The following NUDCD3 variants were observed in gnomAD, a reference collection of about 807,000 sequenced individuals.
NUDCD3 encodes the protein nudC domain-containing protein 3.
In NUDCD3, 13 loss-of-function variants were observed where a neutral mutation model predicts 39.7. The observed-to-expected ratio is 0.33, with a 90% CI of 0.21 to 0.52. The LOEUF is 0.52. Ranked by LOEUF, NUDCD3 falls within the 20% of genes least tolerant of loss-of-function variation. The probability of loss-of-function intolerance (pLI) is 0.96; values close to 1 mark genes in which losing one functional copy is unlikely to be tolerated. For synonymous variants in NUDCD3, 175 were observed against 172.4 expected, an observed-to-expected ratio of 1.02 and a Z score of -0.12; for missense variants, 453 against 458.1, an observed-to-expected ratio of 0.99 and a Z score of 0.10.
rs115032518 is a variant in NUDCD3 at position 44,461,525 on chromosome 7, G to C, written c.509+23443C>G. 8.8e-3 allele frequency among the ~76,000 whole-genome samples: 1,338 copies of C among 152,302 alleles called. 15 individuals carry two copies. Among genetic ancestry groups the C allele is most frequent in the Middle Eastern group, 0.061 (18 of 294 alleles). ...ATAAAGACTAAATCATTTCCTGCCTGTTAGGGATGCTATGGGAAGGACAGA... is the reference window on the plus strand; with the variant it reads ...ATAAAGACTAAATCATTTCCTGCCTCTTAGGGATGCTATGGGAAGGACAGA... On this transcript the variant is annotated intron_variant, in intron 2 of 5. Transcript: ENST00000355451.
At position 44,384,207 on chromosome 7, in the gene NUDCD3, GAA is replaced by G. The variant is rs1370120223; in HGVS notation, c.*1802_*1803del. ...TGGGGGCCAACTCGGGAACTATAGA[GAA>G]GAGAGGAGACACACACCACAAGACC... On this transcript the variant is annotated 3_prime_UTR_variant, in exon 6 of 6. Transcript: ENST00000355451. The G allele has an allele frequency of 6.6e-6, 1 of 152,304 alleles. No individual in the cohort carries two copies. Among genetic ancestry groups the G allele is most frequent in the Non-Finnish European group, 1.5e-5 (1 of 68,120 alleles). 9.4% of individuals were successfully genotyped at this position (152,304 alleles called of 1,614,324 possible).
chr7:44,405,474 A>G (rs1798802230), intron 3 of NUDCD3, among the ~76,000 whole-genome samples: 1 of 152,258 alleles, frequency 6.6e-6, no homozygotes, highest in Admixed American at 6.5e-5. Context: ...AGAAGAGGAA[A>G]TAAAACAGAA....
At chr7:44,415,658 A>G (rs1799006790) in intron 3 of NUDCD3, among the ~76,000 whole-genome samples, 1 of 152,210 alleles carries the variant, frequency 6.6e-6, no homozygotes, top group Non-Finnish European at 1.5e-5. Context: ...ACTCCAGGAG[A>G]GGCAAAGCTC....
chr7:44,420,856 A>G (rs1799123714), intron 3 of NUDCD3, among the ~76,000 whole-genome samples: 1 of 152,252 alleles, frequency 6.6e-6, no homozygotes, highest in South Asian at 2.1e-4. Flanking sequence ...GAGGCACTAA[A>G]TATGGAAAGG....
rs1045812431 is a variant in NUDCD3 at position 44,477,037 on chromosome 7, A to G, written c.509+7931T>C. Among the ~76,000 whole-genome samples the G allele has an allele frequency of 5.3e-5, 8 of 152,308 alleles. 1 individual carries two copies. Among genetic ancestry groups the G allele is most frequent in the Middle Eastern group, 3.4e-3 (1 of 294 alleles). Reference sequence around the variant, plus strand: ...TCCAAATGATGCCATTCCCTTCCCAAGAAGCACCGAGGTCCCTGTAACTGC... The same window carrying G: ...TCCAAATGATGCCATTCCCTTCCCAGGAAGCACCGAGGTCCCTGTAACTGC... On this transcript the variant is annotated intron_variant, in intron 2 of 5. Transcript: ENST00000355451.
intron 2 of NUDCD3, among the ~76,000 whole-genome samples, chr7:44,459,359 T>C (rs1715931985): frequency 6.6e-6 from 1 of 152,016 alleles, no homozygotes; most frequent in African/African-American, 2.4e-5. Context: ...CCACCATGCC[T>C]GGCTAATTTT....
chr7:44,449,408 T>C (rs1242623281), intron 2 of NUDCD3, among the ~76,000 whole-genome samples: 1 of 152,140 alleles, frequency 6.6e-6, no homozygotes, highest in Non-Finnish European at 1.5e-5. Flanking sequence ...ACTGTATTCA[T>C]AAAGGCAGAA....
At chr7:44,408,175 T>A (rs1585059174) in intron 3 of NUDCD3, among the ~76,000 whole-genome samples, 1 of 152,198 alleles carries the variant, frequency 6.6e-6, no homozygotes, top group African/African-American at 2.4e-5. Context: ...GAATTCTACA[T>A]ACACCCAAAC....
intron 1 of NUDCD3, 175 bp downstream of exon 1, chr7:44,490,234 G>A (rs1800705609): frequency 1.6e-6 from 1 of 634,872 alleles, no homozygotes; most frequent in East Asian, 3.0e-5. Flanking sequence ...ACACCTCAGC[G>A]GAATAAGCTG....
intron 3 of NUDCD3, among the ~76,000 whole-genome samples, chr7:44,410,735 G>A (rs1013320202): frequency 6.6e-6 from 1 of 151,758 alleles, no homozygotes; most frequent in Admixed American, 6.6e-5. Context: ...CTGGGAGGCC[G>A]AGGCAGGCAG....
At chr7:44,444,770 T>G (rs1799658173) in intron 2 of NUDCD3, among the ~76,000 whole-genome samples, 1 of 152,168 alleles carries the variant, frequency 6.6e-6, no homozygotes, top group South Asian at 2.1e-4. Context: ...CACTGATACC[T>G]TGCCTCATGC....
intron 4 of NUDCD3, among the ~76,000 whole-genome samples, chr7:44,399,692 G>A (rs930686689): frequency 9.9e-5 from 15 of 152,268 alleles, no homozygotes; most frequent in African/African-American, 3.6e-4. Context: ...TGTCATCGGC[G>A]ACACTCCAGA....
At chr7:44,446,005 G>A (rs1413486227) in intron 2 of NUDCD3, among the ~76,000 whole-genome samples, 2 of 152,222 alleles carry the variant, frequency 1.3e-5, no homozygotes, top group African/African-American at 2.4e-5. Context: ...CATTGCAGAA[G>A]TAGTGCAGAG....
chr7:44,471,434 G>T (rs570227255), intron 2 of NUDCD3, among the ~76,000 whole-genome samples: 70 of 152,184 alleles, frequency 4.6e-4, no homozygotes, highest in African/African-American at 1.6e-3. Context: ...GGATACAGAG[G>T]GCCAACTGTA....
chr7:44,470,137 G>A (rs1222097392), intron 2 of NUDCD3, among the ~76,000 whole-genome samples: 3 of 152,104 alleles, frequency 2.0e-5, no homozygotes, highest in Non-Finnish European at 4.4e-5. Flanking sequence ...ATTTTTTTTG[G>A]TAGATATGAA....
At chr7:44,439,304 A>C (rs1799531395) in intron 2 of NUDCD3, among the ~76,000 whole-genome samples, 1 of 152,206 alleles carries the variant, frequency 6.6e-6, no homozygotes, top group Admixed American at 6.5e-5. Context: ...AATGCAGGTG[A>C]CAGCTCATGT....
intron 4 of NUDCD3, chr7:44,402,520 G>C (rs902342312): frequency 5.1e-6 from 2 of 392,684 alleles, no homozygotes; most frequent in African/African-American, 4.1e-5. Context: ...TTGGTACCCT[G>C]ATTGTAATCC....
chr7:44,460,826 T>C (rs1219048777), intron 2 of NUDCD3, among the ~76,000 whole-genome samples: 1 of 152,228 alleles, frequency 6.6e-6, no homozygotes, highest in Non-Finnish European at 1.5e-5. Flanking sequence ...ACAAATACTA[T>C]AAAACATTAC....
chr7:44,456,025 C>CAAAAAAAAAAA (rs1233592095), intron 2 of NUDCD3, among the ~76,000 whole-genome samples: 13 of 28,506 alleles, frequency 4.6e-4, no homozygotes, highest in African/African-American at 6.1e-4. Context: ...GACTCCGTCT[C>CAAAAAAAAAAA]AAAAAAAAAA....
Sources: gnomAD v4.1 joint callset for allele counts (sites outside exome capture counted in the v4.1 genomes callset) on GRCh38, gnomAD v4.1.1 for gene constraint, MANE v1.5 for transcripts, NCBI Gene and HGNC (gene_info 2026-07-23, HGNC 2026-07-21) for gene names.